The following CNTNAP4 variants were observed in gnomAD, a reference collection of about 807,000 sequenced individuals.
CNTNAP4 encodes contactin-associated protein-like 4.
In CNTNAP4, 98 loss-of-function variants were observed where a neutral mutation model predicts 148.4. The ratio of observed to expected loss-of-function variants is 0.66; its 90% confidence interval spans 0.56 to 0.78. The LOEUF (loss-of-function observed/expected upper bound fraction) is 0.78. Among genes scored for constraint, CNTNAP4 ranks in the 30% least tolerant of loss-of-function variants. CNTNAP4 has a pLI of 0.00. For synonymous variants in CNTNAP4, 730 were observed against 565.1 expected, an observed-to-expected ratio of 1.29 and a Z score of -4.14; for missense variants, 1,935 against 1,565.6, an observed-to-expected ratio of 1.24 and a Z score of -3.98.
intron 1 of CNTNAP4, among the ~76,000 whole-genome samples, chr16:76,287,142 A>G (rs551461236): frequency 6.6e-6 from 1 of 152,336 alleles, no homozygotes; most frequent in African/African-American, 2.4e-5. Context: ...AATAGCAATA[A>G]TTTGAGGAAA....
chr16:76,452,186 A>C (rs9936507), intron 7 of CNTNAP4, among the ~76,000 whole-genome samples: 2 of 152,046 alleles, frequency 1.3e-5, no homozygotes, highest in Non-Finnish European at 2.9e-5. Flanking sequence ...AATAAAAGTG[A>C]ATTCACTTTT....
chr16:76,431,899 A>T (rs1597513561), intron 4 of CNTNAP4, among the ~76,000 whole-genome samples: 1 of 113,490 alleles, frequency 8.8e-6, no homozygotes, highest in South Asian at 3.8e-4. Flanking sequence ...GAAGGAAACA[A>T]GAGATAATTA....
intron 2 of CNTNAP4, among the ~76,000 whole-genome samples, chr16:76,348,820 C>T (rs2144427838): frequency 1.3e-5 from 2 of 149,278 alleles, no homozygotes; most frequent in Middle Eastern, 6.8e-3. Context: ...GTGATGTGGA[C>T]CTATATTATT....
chr16:76,436,026 C>G (rs1443233955), intron 4 of CNTNAP4, among the ~76,000 whole-genome samples: 8 of 152,124 alleles, frequency 5.3e-5, no homozygotes, highest in Admixed American at 5.2e-4. Context: ...GGGTCACACT[C>G]TGAATGTCAC....
At chr16:76,335,604 G>A (rs760527496) in intron 2 of CNTNAP4, among the ~76,000 whole-genome samples, 3 of 152,170 alleles carry the variant, frequency 2.0e-5, no homozygotes, top group East Asian at 1.9e-4. Flanking sequence ...GTGAGAGGCT[G>A]TATGGAATCC....
chr16:76,315,201 G>C (rs753844830), intron 1 of CNTNAP4, among the ~76,000 whole-genome samples: 1 of 150,676 alleles, frequency 6.6e-6, no homozygotes, highest in African/African-American at 2.4e-5. Flanking sequence ...TATGAGCAAC[G>C]TTGCTAGAAA....
intron 21 of CNTNAP4, among the ~76,000 whole-genome samples, chr16:76,551,861 A>G (rs538150218): frequency 2.0e-5 from 3 of 152,192 alleles, no homozygotes; most frequent in African/African-American, 7.2e-5. Context: ...CTCCCATATT[A>G]TTATATTTTC....
chr16:76,547,477 A>G (rs1210221904), intron 21 of CNTNAP4, among the ~76,000 whole-genome samples: 1 of 152,214 alleles, frequency 6.6e-6, no homozygotes, highest in African/African-American at 2.4e-5. Flanking sequence ...ATGGCACAAG[A>G]ACACTAACAA....
chr16:76,465,287 A>G (rs773156211), intron 9 of CNTNAP4, among the ~76,000 whole-genome samples: 6 of 152,146 alleles, frequency 3.9e-5, no homozygotes, highest in Non-Finnish European at 8.8e-5. Flanking sequence ...TCTCTCTGGT[A>G]TTGCATTATA....
At chr16:76,304,897 A>C (rs544416131) in intron 1 of CNTNAP4, among the ~76,000 whole-genome samples, 3 of 152,270 alleles carry the variant, frequency 2.0e-5, no homozygotes, top group South Asian at 4.1e-4. Flanking sequence ...TTTTTTACTC[A>C]ATCTCATTTC....
At chr16:76,348,091 A>T (rs1479858515) in intron 2 of CNTNAP4, among the ~76,000 whole-genome samples, 1 of 152,144 alleles carries the variant, frequency 6.6e-6, no homozygotes, top group African/African-American at 2.4e-5. Context: ...ATGAAGGCAG[A>T]AAAACAGCAG....
intron 3 of CNTNAP4, among the ~76,000 whole-genome samples, chr16:76,361,679 A>C (rs1368834361): frequency 3.8e-4 from 58 of 152,182 alleles, no homozygotes. Flanking sequence ...AATACCTGGG[A>C]TCAGGATTGC....
At chr16:76,335,564 C>G (rs1963948012) in intron 2 of CNTNAP4, among the ~76,000 whole-genome samples, 1 of 152,160 alleles carries the variant, frequency 6.6e-6, no homozygotes, top group Non-Finnish European at 1.5e-5. Context: ...ATCACTTTCT[C>G]TGAAGCCCTG....
rs1319723274 is a variant in CNTNAP4 at position 76,316,461 on chromosome 16, G to C, written c.134G>C (p.Ser45Thr). 6.2e-7 allele frequency: 1 copy of C among 1,613,904 alleles called. No homozygotes were observed. The part of the protein sequence containing the change: ...LVSALPQASF[S>T]SSSELSSSHG... ...TCTGCCTTGCCTCAGGCATCCTTCA[G>C]CAGTTCTTCCGAGCTCTCCAGCAGT... Residue 45 changes from serine (S) to threonine (T), a missense_variant, in exon 2 of 24, where the codon AGC becomes ACC. Transcript: ENST00000611870.
intron 3 of CNTNAP4, among the ~76,000 whole-genome samples, chr16:76,362,462 C>G (rs1287988119): frequency 6.6e-6 from 1 of 152,008 alleles, no homozygotes; most frequent in Non-Finnish European, 1.5e-5. Context: ...TTTTGAATAT[C>G]CAAAACAATC....
rs1014910351 is a variant in CNTNAP4, at chr16:76,316,472, G to C, written c.145G>C (p.Glu49Gln). 4.3e-6 allele frequency: 7 copies of C among 1,613,682 alleles called. No homozygotes were observed. Among genetic ancestry groups the C allele is most frequent in the African/African-American group, 1.3e-5 (1 of 74,896 alleles). ...LPQASFSSSS[E>Q]LSSSHGPGFA... ...TCAGGCATCCTTCAGCAGTTCTTCC[G>C]AGCTCTCCAGCAGTCATGGTCCTGG... Residue 49 changes from glutamate to glutamine, a missense_variant, in exon 2 of 24, where the codon GAG (glutamate) becomes CAG (glutamine). Transcript: ENST00000611870.
At chr16:76,381,259 A>C (rs932628379) in intron 3 of CNTNAP4, among the ~76,000 whole-genome samples, 5 of 152,176 alleles carry the variant, frequency 3.3e-5, no homozygotes, top group African/African-American at 1.2e-4. Context: ...TCTTGGAGAC[A>C]TTAACACAGA....
chr16:76,308,724 G>A (rs755598707), intron 1 of CNTNAP4, among the ~76,000 whole-genome samples: 5 of 152,192 alleles, frequency 3.3e-5, no homozygotes, highest in South Asian at 2.1e-4. Flanking sequence ...ACATCTCCCC[G>A]AGGTGATGCT....
At chr16:76,409,302 T>A (rs1266630287) in intron 3 of CNTNAP4, among the ~76,000 whole-genome samples, 1 of 151,978 alleles carries the variant, frequency 6.6e-6, no homozygotes, top group African/African-American at 2.4e-5. Context: ...TTATGAATAA[T>A]GTAGTTTCTT....
Sources: allele counts gnomAD v4.1 joint callset (sites outside exome capture counted in the v4.1 genomes callset), GRCh38; gene constraint gnomAD v4.1.1; transcripts MANE v1.5; gene names NCBI Gene and HGNC (gene_info 2026-07-23, HGNC 2026-07-21).